Variants in KNDC1 observed in about 807,000 individuals in gnomAD.
KNDC1 encodes the protein kinase non-catalytic C-lobe domain containing 1, also known as kinase non-catalytic C-lobe domain-containing protein 1.
A neutral mutation model predicts 172.8 loss-of-function variants in KNDC1; 106 were observed. The ratio of observed to expected loss-of-function variants is 0.61; its 90% CI spans 0.52 to 0.72. KNDC1 has a LOEUF of 0.72. KNDC1 is among the 30% of genes least tolerant of loss of function. The pLI, the probability that KNDC1 is intolerant of heterozygous loss-of-function variation, is 0.00. For missense variants in KNDC1, 2,325 were observed against 2,394.5 expected (o/e 0.97, Z 0.61); for synonymous variants, 1,083 against 1,062.2 (o/e 1.02, Z -0.38).
In KNDC1 at chr10:133,160,348, CGGCG is replaced by C; in HGVS notation, c.-109_-106del. 8.9e-6 allele frequency: 3 copies of C among 336,362 alleles called. No individual in the cohort carries two copies. The highest frequency in any genetic ancestry group is 9.4e-6 in the Non-Finnish European group (2 of 213,202). The allele number at this position is 336,362 out of a possible 1,614,324, so 20.8% of individuals were successfully genotyped here. Reference sequence around the variant, plus strand: ...GCGTCCCCTGGAGACACTGCGGCAGCGGCGGGCGGGCGGGGGCGGGCGAGGGCCG... The same window carrying C: ...GCGTCCCCTGGAGACACTGCGGCAGCGGCGGGCGGGGGCGGGCGAGGGCCG... On this transcript the variant is annotated 5_prime_UTR_variant, in exon 1 of 30. Coordinates refer to ENST00000304613, the MANE Select transcript of KNDC1 (RefSeq NM_152643.8).
At chr10:133,170,246 G>A (rs953482137) in intron 3 of KNDC1, among the ~76,000 whole-genome samples, 12 of 152,198 alleles carry the variant, frequency 7.9e-5, no homozygotes, top group South Asian at 2.1e-4. Context: ...AGTGTGGCTC[G>A]TGGGGCAGGT....
intron 28 of KNDC1, among the ~76,000 whole-genome samples, chr10:133,219,690 A>G (rs1845541625): frequency 6.6e-6 from 1 of 152,242 alleles, no homozygotes; most frequent in Non-Finnish European, 1.5e-5. Context: ...GAGCAAGGAA[A>G]GGGACTCACC....
chr10:133,211,032 C>T (rs1845352482), intron 21 of KNDC1, among the ~76,000 whole-genome samples: 1 of 152,028 alleles, frequency 6.6e-6, no homozygotes, highest in African/African-American at 2.4e-5. Context: ...GCAGTGAGAG[C>T]CAGAAGGTCA....
chr10:133,175,110 GTGGA>G (rs963084778), intron 3 of KNDC1, among the ~76,000 whole-genome samples: 2 of 148,198 alleles, frequency 1.3e-5, no homozygotes, highest in Admixed American at 6.7e-5. Context: ...TGGTGGATAT[GTGGA>G]TGGATGGGTG....
chr10:133,190,348 C>T (rs11101624), intron 9 of KNDC1, among the ~76,000 whole-genome samples: 1 of 60,726 alleles, frequency 1.6e-5, no homozygotes, highest in Admixed American at 1.9e-4. Flanking sequence ...ACACCCTGCA[C>T]TAAGCACCCT....
At position 133,210,676 on chromosome 10, in the gene KNDC1, A is replaced by G. The variant is rs762994637; in HGVS notation, c.3860A>G (p.His1287Arg). 9 of 1,613,914 alleles carry G rather than the reference A, an allele frequency of 5.6e-6. No homozygotes were observed. Among genetic ancestry groups the G allele is most frequent in the Non-Finnish European group, 4.2e-6 (5 of 1,179,942 alleles). Reference protein sequence around the residue: ...LYTFRYFCTPHDFLHFLLDRI... With the variant: ...LYTFRYFCTPRDFLHFLLDRI... ...ACCTTCCGCTACTTCTGCACACCCC[A>G]CGACTTCCTGCACTTCCTCCTCGAC... Residue 1287 changes from histidine to arginine, a missense_variant, in exon 21 of 30, where the codon CAC (histidine) becomes CGC (arginine). His to Arg is a conservative substitution (Grantham distance 29, BLOSUM62 0). Transcript: ENST00000304613.
At position 133,175,019 on chromosome 10, in the gene KNDC1, G is replaced by T. The variant is rs544207233; in HGVS notation, c.360+6707G>T. On this transcript the variant is annotated intron_variant, in intron 3 of 29. Coordinates refer to ENST00000304613, the MANE Select transcript of KNDC1 (RefSeq NM_152643.8). ...GGTGGATATGTGAATGGATGGGTGG[G>T]TGGAAAGATGGGTGGAAAGGTAGAT... 4.1e-5 allele frequency among the ~76,000 whole-genome samples: 6 copies of T among 146,956 alleles called. No individual in the cohort carries two copies. In the East Asian group the frequency reaches 8.3e-4, roughly 20 times the overall value.
chr10:133,181,509 G>A (rs1277763360), intron 3 of KNDC1, among the ~76,000 whole-genome samples: 2 of 152,242 alleles, frequency 1.3e-5, no homozygotes, highest in African/African-American at 4.8e-5. Context: ...TGCACAGCAG[G>A]GAGTCTGTGG....
chr10:133,161,084 G>T (rs1852953341), intron 1 of KNDC1, among the ~76,000 whole-genome samples: 1 of 152,044 alleles, frequency 6.6e-6, no homozygotes, highest in Non-Finnish European at 1.5e-5. Flanking sequence ...TACCCCGCAA[G>T]GTGCAGAGGG....
intron 1 of KNDC1, among the ~76,000 whole-genome samples, chr10:133,160,963 C>T (rs1004316543): frequency 1.3e-5 from 2 of 151,870 alleles, no homozygotes; most frequent in South Asian, 2.1e-4. Flanking sequence ...ATGAGGTCCC[C>T]GGAGCTGAGG....
intron 3 of KNDC1, among the ~76,000 whole-genome samples, chr10:133,177,412 A>C (rs973429726): frequency 1.3e-5 from 2 of 150,498 alleles, no homozygotes; most frequent in African/African-American, 2.4e-5. Context: ...TGTTTCAAGC[A>C]CACGTGTATG....
In KNDC1 at chr10:133,207,366, A is replaced by G. The variant is rs1435916832; in HGVS notation, c.3794+15A>G. ...CTGTACTCCAGGTGCGTTGGGAGAA[A>G]AGCTCACCCGGAAAAGGAGACGTAG... On this transcript the variant is annotated intron_variant, in intron 20 of 29. Transcript: ENST00000304613. 1 of 1,610,038 alleles carries G rather than the reference A, an allele frequency of 6.2e-7. No homozygotes were observed. Among genetic ancestry groups the G allele is most frequent in the South Asian group, 1.1e-5 (1 of 90,924 alleles).
At chr10:133,202,009 G>A in intron 17 of KNDC1, 111 bp downstream of exon 17, 1 of 1,222,724 alleles carries the variant, frequency 8.2e-7, no homozygotes, top group Non-Finnish European at 1.2e-6. Context: ...CCCCCAACAG[G>A]GTGACACTGG....
intron 21 of KNDC1, 104 bp downstream of exon 21, chr10:133,210,828 C>T (rs555348114): frequency 4.0e-5 from 39 of 965,318 alleles, no homozygotes; most frequent in Admixed American, 2.9e-4. Context: ...TGGTCCCTGG[C>T]GACCCAAGGG....
At chr10:133,174,628 G>T (rs571902894) in intron 3 of KNDC1, among the ~76,000 whole-genome samples, 2 of 151,812 alleles carry the variant, frequency 1.3e-5, no homozygotes, top group East Asian at 3.9e-4. Context: ...AGGTGGATAG[G>T]TGGGTGGATG....
At position 133,189,479 on chromosome 10, in the gene KNDC1, G is replaced by A. The variant is rs922320178; in HGVS notation, c.1442-119G>A. On this transcript the variant is annotated intron_variant, in intron 7 of 29. Transcript: ENST00000304613. ...TGCGTGCACTGGCAGGTGCGTGCCC[G>A]TGCAATGGGGAGGCTGGGGGGCTGC... 1.9e-4 allele frequency: 182 copies of A among 936,906 alleles called. No individual in the cohort carries two copies. The African/African-American group carries it at 2.0e-3, about 10-fold the overall frequency. The allele number at this position is 936,906 out of a possible 1,614,324, so 58.0% of individuals were successfully genotyped here. A position where few individuals can be genotyped will look rare whatever the true frequency, so the allele number is the denominator to read the frequency against.
In KNDC1 at chr10:133,211,898, G is replaced by T. The variant is rs201069006; in HGVS notation, c.4236+40G>T. The T allele has an allele frequency of 2.5e-5, 39 of 1,565,378 alleles. No homozygotes were observed. In the Admixed American group the frequency reaches 5.5e-4, roughly 22 times the overall value. On this transcript the variant is annotated intron_variant, in intron 23 of 29. Transcript: ENST00000304613. ...CAGGGGAGGTCCTCCCTGGACAGGC[G>T]GATGTGGGTCCCTGAGCCCAGCCTC...
chr10:133,186,795 A>G (rs1853932820), intron 6 of KNDC1, 121 bp downstream of exon 6: 1 of 711,454 alleles, frequency 1.4e-6, no homozygotes, highest in Non-Finnish European at 2.2e-6. Context: ...CCCTCGCTCC[A>G]TAATTAAAGA....
Position 133,224,990 on chromosome 10 carries a change from C to T in KNDC1, c.*100C>T. 1.1e-6 allele frequency: 1 copy of T among 927,144 alleles called. No individual in the cohort carries two copies. The highest frequency in any genetic ancestry group is 2.6e-5 in the East Asian group (1 of 38,006). The allele number at this position is 927,144 out of a possible 1,614,324, so 57.4% of individuals were successfully genotyped here. ...TCTCAGGCCCGGCCGTTATCAAGGC[C>T]CCTCCGCCCCCGAACCCTGGGGAGC... On this transcript the variant is annotated 3_prime_UTR_variant, in exon 30 of 30. Transcript: ENST00000304613. The surrounding 1 kb of genome is among the most constrained non-coding windows in gnomAD (Gnocchi z 5.4).
Sources: allele counts gnomAD v4.1 joint callset (sites outside exome capture counted in the v4.1 genomes callset), GRCh38; gene constraint gnomAD v4.1.1; non-coding constraint Gnocchi (gnomAD v3.1); transcripts MANE v1.5; gene names NCBI Gene and HGNC (gene_info 2026-07-23, HGNC 2026-07-21).